SYCP1: variants seen among roughly 807,000 people sequenced by gnomAD.
SYCP1 encodes cancer/testis antigen 8.
In SYCP1, 64 loss-of-function variants were observed where a neutral mutation model predicts 153.1. The observed-to-expected ratio is 0.42, with a 90% CI of 0.34 to 0.51. The LOEUF (loss-of-function observed/expected upper bound fraction) is 0.51, where lower values mean the gene tolerates loss of function less well. Ranked by LOEUF, SYCP1 falls within the 20% of genes least tolerant of loss-of-function variation. The probability of loss-of-function intolerance (pLI) is 0.06; values close to 1 mark genes in which losing one functional copy is unlikely to be tolerated. For synonymous variants in SYCP1, 384 were observed against 341.8 expected (o/e 1.12, Z -1.36); for missense variants, 997 against 1,049.0 (o/e 0.95, Z 0.68).
intron 8 of SYCP1, among the ~76,000 whole-genome samples, chr1:114,871,586 T>C (rs1477999597): frequency 6.6e-6 from 1 of 152,152 alleles, no homozygotes; most frequent in East Asian, 1.9e-4. Context: ...TGTTTTTTGT[T>C]TTTTGAGGCA....
At chr1:114,869,163 A>G (rs145778737) in intron 8 of SYCP1, among the ~76,000 whole-genome samples, 13 of 152,256 alleles carry the variant, frequency 8.5e-5, no homozygotes, top group African/African-American at 2.6e-4. Context: ...TTTCCAATTT[A>G]TGCATTCAAT....
intron 27 of SYCP1, among the ~76,000 whole-genome samples, chr1:114,971,764 A>AAATCACACAGCCATGATGAATGATGTTTC (rs1306228758): frequency 3.3e-5 from 5 of 152,200 alleles, no homozygotes. Flanking sequence ...TCCATGGGAT[A>AAATCACACAGCCATGATGAATGATGTTTC]AATCACACAG....
intron 15 of SYCP1, among the ~76,000 whole-genome samples, chr1:114,894,137 A>G (rs1184098119): frequency 6.6e-6 from 1 of 151,948 alleles, no homozygotes; most frequent in African/African-American, 2.4e-5. Flanking sequence ...TCTTTAATCA[A>G]TTTTTGAGTT....
chr1:114,891,821 A>G (rs1430995535), intron 15 of SYCP1, among the ~76,000 whole-genome samples: 1 of 152,190 alleles, frequency 6.6e-6, no homozygotes, highest in East Asian at 1.9e-4. Context: ...TTAGCCTTGG[A>G]TATGTAATGA....
chr1:114,923,878 T>A (rs572481098), intron 21 of SYCP1, among the ~76,000 whole-genome samples: 1 of 152,162 alleles, frequency 6.6e-6, no homozygotes, highest in East Asian at 1.9e-4. Context: ...GTGAATATGA[T>A]ATCAAATTAA....
chr1:114,857,855 T>G (rs932132052), intron 5 of SYCP1, among the ~76,000 whole-genome samples: 2 of 152,136 alleles, frequency 1.3e-5, no homozygotes, highest in African/African-American at 4.8e-5. Flanking sequence ...CTTTTGATTT[T>G]AGTTATAAAA....
At chr1:114,929,147 A>G (rs988068482) in intron 23 of SYCP1, among the ~76,000 whole-genome samples, 40 of 152,272 alleles carry the variant, frequency 2.6e-4, no homozygotes, top group Admixed American at 2.6e-3. Context: ...TTCTAATACT[A>G]TCACACTGGA....
intron 29 of SYCP1, 138 bp from the exon 30 acceptor site, chr1:114,984,587 C>T: frequency 1.7e-6 from 1 of 571,648 alleles, no homozygotes; most frequent in Non-Finnish European, 2.6e-6. Context: ...AAAATTTTTG[C>T]CTCATATACT....
intron 27 of SYCP1, among the ~76,000 whole-genome samples, chr1:114,962,759 A>G (rs1671861013): frequency 6.6e-6 from 1 of 152,170 alleles, no homozygotes; most frequent in African/African-American, 2.4e-5. Flanking sequence ...ATTGTTTTAT[A>G]GGCTTTGTAA....
At chr1:114,877,203 C>A (rs1455578585) in intron 11 of SYCP1, among the ~76,000 whole-genome samples, 1 of 152,090 alleles carries the variant, frequency 6.6e-6, no homozygotes, top group African/African-American at 2.4e-5. Flanking sequence ...TGAAGAGGAA[C>A]TAAAATATTC....
intron 16 of SYCP1, among the ~76,000 whole-genome samples, chr1:114,906,206 A>T (rs568604213): frequency 1.3e-5 from 2 of 152,140 alleles, no homozygotes; most frequent in South Asian, 4.2e-4. Context: ...ACCTCAAGTG[A>T]TGCACCCGCC....
At chr1:114,923,622 G>A (rs1170307743) in intron 21 of SYCP1, 92 bp downstream of exon 21, 1 of 1,258,170 alleles carries the variant, frequency 7.9e-7, no homozygotes, top group Non-Finnish European at 1.1e-6. Flanking sequence ...GAAGTATACT[G>A]TTGTATAAAT....
intron 23 of SYCP1, among the ~76,000 whole-genome samples, chr1:114,936,252 G>A (rs569491242): frequency 1.1e-4 from 16 of 152,134 alleles, no homozygotes; most frequent in African/African-American, 3.1e-4. Context: ...TTCAACATAC[G>A]CAAATCAATA....
intron 27 of SYCP1, among the ~76,000 whole-genome samples, chr1:114,956,667 G>T (rs917319108): frequency 3.3e-5 from 5 of 151,742 alleles, no homozygotes; most frequent in African/African-American, 1.2e-4. Flanking sequence ...TTCCCATACA[G>T]CTCTAGTACC....
Position 114,860,821 on chromosome 1 carries a change from T to C in SYCP1, c.598+12T>C. 6.4e-7 allele frequency: 1 copy of C among 1,553,068 alleles called. No individual in the cohort carries two copies. Among genetic ancestry groups the C allele is most frequent in the South Asian group, 1.2e-5 (1 of 82,790 alleles). On this transcript the variant is annotated intron_variant, in intron 8 of 31. Coordinates refer to ENST00000369522, the MANE Select transcript of SYCP1 (RefSeq NM_003176.4). ...AAAGACAAAGAAATGTAAATATCTT[T>C]CTTGTTTTATGTGATTTTATCAATT...
At chr1:114,959,359 G>T (rs1486204631) in intron 27 of SYCP1, among the ~76,000 whole-genome samples, 1 of 151,982 alleles carries the variant, frequency 6.6e-6, no homozygotes, top group Non-Finnish European at 1.5e-5. Flanking sequence ...GCTGGATTTG[G>T]TTTGCTAGCA....
intron 27 of SYCP1, among the ~76,000 whole-genome samples, chr1:114,947,607 A>C (rs999315392): frequency 6.6e-6 from 1 of 151,560 alleles, no homozygotes; most frequent in African/African-American, 2.4e-5. Flanking sequence ...AGGTCAGGAG[A>C]TCGAGACCAT....
intron 14 of SYCP1, among the ~76,000 whole-genome samples, chr1:114,886,738 G>A (rs1666334293): frequency 6.6e-6 from 1 of 151,852 alleles, no homozygotes; most frequent in Non-Finnish European, 1.5e-5. Flanking sequence ...ACTACTCTAT[G>A]TTTATTAAAT....
chr1:114,918,175 AG>A (rs1668634105), intron 20 of SYCP1, among the ~76,000 whole-genome samples: 1 of 152,132 alleles, frequency 6.6e-6, no homozygotes, highest in Non-Finnish European at 1.5e-5. Context: ...GGCAAGAGAT[AG>A]GGGTCTAGTT....
Sources: allele counts gnomAD v4.1 joint callset (sites outside exome capture counted in the v4.1 genomes callset), GRCh38; gene constraint gnomAD v4.1.1; transcripts MANE v1.5; gene names NCBI Gene and HGNC (gene_info 2026-07-23, HGNC 2026-07-21).